The following MDM2 variants were observed in gnomAD, a reference collection of about 807,000 sequenced individuals.
The protein encoded by MDM2 is E3 ubiquitin-protein ligase Mdm2.
Under a neutral mutation model 64.3 loss-of-function variants are expected in MDM2, and 11 were observed. That is an observed-to-expected ratio of 0.17 (90% confidence interval 0.11 to 0.28). The LOEUF is 0.28. Among genes scored for constraint, MDM2 ranks in the 10% least tolerant of loss-of-function variants. The pLI is 1.00. For synonymous variants in MDM2, 194 were observed against 192.9 expected (o/e 1.01, Z -0.05); for missense variants, 388 against 577.1 (o/e 0.67, Z 3.36).
chr12:68,840,036 T>A lies in MDM2; in HGVS notation c.*187T>A, dbSNP rs932015531. 28 of 556,554 alleles carry A rather than the reference T, an allele frequency of 5.0e-5. No individual in the cohort carries two copies. The highest frequency in any genetic ancestry group is 5.0e-4 in the African/African-American group (26 of 52,290). The allele number at this position is 556,554 out of a possible 1,614,324, so 34.5% of individuals were successfully genotyped here. On this transcript the variant is annotated 3_prime_UTR_variant, in exon 11 of 11. Coordinates refer to ENST00000258149, the MANE Select transcript of MDM2 (RefSeq NM_002392.6). Reference sequence around the variant, plus strand: ...TACTTACTATAATTTGACTTGAATATGTAGCTCATCCTTTACACCAACTCC... The same window carrying A: ...TACTTACTATAATTTGACTTGAATAAGTAGCTCATCCTTTACACCAACTCC...
intron 1 of MDM2, chr12:68,808,808 G>A: frequency 1.5e-6 from 1 of 676,000 alleles, no homozygotes; most frequent in Non-Finnish European, 1.8e-6. Flanking sequence ...CTTCGGCGCG[G>A]GAGGTCCGGA....
chr12:68,812,665 G>A (rs774128626), intron 2 of MDM2, among the ~76,000 whole-genome samples: 5 of 152,100 alleles, frequency 3.3e-5, no homozygotes, highest in Non-Finnish European at 7.4e-5. Context: ...GCCCAGGCTG[G>A]TCTTGAACAC....
intron 5 of MDM2, among the ~76,000 whole-genome samples, chr12:68,821,206 C>G (rs941523657): frequency 6.6e-6 from 1 of 151,946 alleles, no homozygotes; most frequent in African/African-American, 2.4e-5. Context: ...TGCCACCACG[C>G]CCGGCTAATT....
rs58178593 is a variant in MDM2 at position 68,815,433 on chromosome 12, C to CTTTTTTTT, written c.175-1362_175-1355dup. Among the ~76,000 whole-genome samples, 259 of 93,000 alleles carry CTTTTTTTT rather than the reference C, an allele frequency of 2.8e-3. 1 individual carries two copies. Among genetic ancestry groups the CTTTTTTTT allele is most frequent in the Non-Finnish European group, 3.9e-3 (192 of 49,862 alleles). 61.0% of individuals were successfully genotyped at this position (93,000 alleles called of 152,430 possible). A position where few individuals can be genotyped will look rare whatever the true frequency, so the allele number is the denominator to read the frequency against. ...GAAGAGCTGGGGCCAGTTTCTTCTT[C>CTTTTTTTT]TTTTTTTTTTTTTTTTTTTTTTTTA... On this transcript the variant is annotated intron_variant, in intron 3 of 10. Coordinates refer to ENST00000258149, the MANE Select transcript of MDM2 (RefSeq NM_002392.6).
intron 8 of MDM2, among the ~76,000 whole-genome samples, chr12:68,834,860 G>A (rs1262131988): frequency 6.6e-6 from 1 of 152,172 alleles, no homozygotes; most frequent in African/African-American, 2.4e-5. Context: ...GCTTATATAT[G>A]CTCCTACCCT....
chr12:68,827,582 TTGAGGAC>T (rs1565740634), intron 7 of MDM2, among the ~76,000 whole-genome samples: 5 of 152,248 alleles, frequency 3.3e-5, no homozygotes, highest in Non-Finnish European at 5.9e-5. Flanking sequence ...AGTCTTTTTA[TTGAGGAC>T]TTTGCAGTAT....
In MDM2 at chr12:68,824,621, T is replaced by C. The variant is rs2136138632; in HGVS notation, c.493T>C (p.Ser165Pro). 1 of 1,612,086 alleles carries C rather than the reference T, an allele frequency of 6.2e-7. No homozygotes were observed. The highest frequency in any genetic ancestry group is 8.5e-7 in the Non-Finnish European group (1 of 1,178,972). The part of the protein sequence containing the change: ...SSHLVSRPST[S>P]SRRRAISETE... The stretch of plus-strand genomic sequence containing the variant: ...ACATTTGGTTTCTAGACCATCTACC[T>C]CATCTAGAAGGAGAGCAATTAGTGA... Residue 165 changes from serine (S) to proline (P), a missense_variant, in exon 7 of 11, where the codon TCA (serine) becomes CCA (proline). Around this residue, in one of 5 missense-constraint regions of MDM2, gnomAD observed 168 missense variants for 236.6 expected, o/e 0.71. Coordinates refer to ENST00000258149, the MANE Select transcript of MDM2 (RefSeq NM_002392.6).
chr12:68,826,751 C>A (rs1225658664), intron 7 of MDM2, among the ~76,000 whole-genome samples: 1 of 151,748 alleles, frequency 6.6e-6, no homozygotes, highest in African/African-American at 2.4e-5. Context: ...ATAAAAAATT[C>A]AAAGATTTAT....
Position 68,842,460 on chromosome 12 carries a change from T to A in MDM2, c.*2611T>A. The stretch of plus-strand genomic sequence containing the variant: ...CTTTGGAGACTTAGAACCTCTAAAT[T>A]ATTGACTTATTTTTTATATAAGGTC... On this transcript the variant is annotated 3_prime_UTR_variant, in exon 11 of 11. Coordinates refer to ENST00000258149, the MANE Select transcript of MDM2 (RefSeq NM_002392.6). 2.4e-6 allele frequency: 1 copy of A among 421,128 alleles called. No individual in the cohort carries two copies. Among genetic ancestry groups the A allele is most frequent in the Middle Eastern group, 3.4e-4 (1 of 2,918 alleles). 26.1% of individuals were successfully genotyped at this position (421,128 alleles called of 1,614,324 possible). A position where few individuals can be genotyped will look rare whatever the true frequency, so the allele number is the denominator to read the frequency against.
intron 10 of MDM2, among the ~76,000 whole-genome samples, chr12:68,838,983 T>G (rs546249427): frequency 3.9e-5 from 6 of 152,264 alleles, no homozygotes; most frequent in African/African-American, 1.2e-4. Flanking sequence ...AGTGAAATGA[T>G]CACTACAGTC....
intron 5 of MDM2, among the ~76,000 whole-genome samples, chr12:68,823,524 G>A (rs1007563744): frequency 2.6e-5 from 4 of 152,146 alleles, no homozygotes; most frequent in South Asian, 4.1e-4. Context: ...GGTCTTGTTG[G>A]TTTTTACCTA....
At position 68,835,726 on chromosome 12, in the gene MDM2, T is replaced by TA. The variant is rs1883252552; in HGVS notation, c.685-102dup. 1.0e-5 allele frequency: 12 copies of TA among 1,158,908 alleles called. No individual in the cohort carries two copies. In the East Asian group the frequency reaches 2.0e-4, roughly 19 times the overall value. 71.8% of individuals were successfully genotyped at this position (1,158,908 alleles called of 1,614,324 possible). A position where few individuals can be genotyped will look rare whatever the true frequency, so the allele number is the denominator to read the frequency against. ...AGCAGCAGGCCCATCCCCCAACTGT[T>TA]ACACCCTGCTGGCAGCAGCAGAGGC... is the stretch of plus-strand genomic sequence containing the variant. On this transcript the variant is annotated intron_variant, in intron 8 of 10. Transcript: ENST00000258149.
intron 3 of MDM2, among the ~76,000 whole-genome samples, chr12:68,814,279 C>A (rs1049917070): frequency 6.6e-6 from 1 of 152,330 alleles, no homozygotes; most frequent in Non-Finnish European, 1.5e-5. Flanking sequence ...GTCTTGAACT[C>A]CTAGTCTCAG....
At chr12:68,847,173 TTATGTATG>T (rs375607351), downstream of MDM2, 24 of 120,100 alleles carry the variant, frequency 2.0e-4, no homozygotes, top group African/African-American at 5.4e-4. Context: ...ACATATGTGT[TTATGTATG>T]TATGTGTGTG....
Position 68,824,382 on chromosome 12 carries a change from A to C in MDM2, c.378A>C (p.Thr126=), listed in dbSNP as rs1222581420. The change falls in exon 6 of 11, where the codon ACA becomes ACC. Residue 126 remains threonine, a synonymous_variant. Coordinates refer to ENST00000258149, the MANE Select transcript of MDM2 (RefSeq NM_002392.6). ...TCTCAGAATCATCGGACTCAGGTAC[A>C]TCTGTGAGTGAGAACAGGTGTCACC... The part of the protein sequence containing the change: ...VNQQESSDSG[T]SVSENRCHLE... The C allele has an allele frequency of 6.2e-7, 1 of 1,613,850 alleles. No homozygotes were observed. The highest frequency in any genetic ancestry group is 1.3e-5 in the African/African-American group (1 of 75,014).
intron 6 of MDM2, 21 bp from the exon 7 acceptor site, chr12:68,824,534 A>ATT (rs1447795029): frequency 6.2e-7 from 1 of 1,603,408 alleles, no homozygotes; most frequent in Admixed American, 1.7e-5. Context: ...GTTGTATTTT[A>ATT]TTTTTTTCCT....
chr12:68,822,369 CTCT>C (rs913177870), intron 5 of MDM2, among the ~76,000 whole-genome samples: 3 of 35,246 alleles, frequency 8.5e-5, no homozygotes, highest in Non-Finnish European at 1.4e-4. Context: ...TGTTTTAAAG[CTCT>C]TTTTTTTTTT....
At chr12:68,829,516 A>G (rs1882620451) in intron 8 of MDM2, among the ~76,000 whole-genome samples, 2 of 152,198 alleles carry the variant, frequency 1.3e-5, no homozygotes, top group South Asian at 2.1e-4. Context: ...GCCTGTAATC[A>G]GTACTTTCGG....
chr12:68,826,636 G>A (rs1882344918), intron 7 of MDM2, among the ~76,000 whole-genome samples: 2 of 129,022 alleles, frequency 1.6e-5, no homozygotes, highest in Non-Finnish European at 1.5e-5. Context: ...GGTACAGAGT[G>A]AGACTCCCTC....
Sources: gnomAD v4.1 joint callset for allele counts (sites outside exome capture counted in the v4.1 genomes callset) on GRCh38, gnomAD v4.1.1 for gene constraint, gnomAD v4.1.1 regional missense constraint, MANE v1.5 for transcripts, NCBI Gene and HGNC (gene_info 2026-07-23, HGNC 2026-07-21) for gene names.